The following CDH12 variants were observed in gnomAD, a reference collection of about 807,000 sequenced individuals.
The protein encoded by CDH12 is cadherin-12.
In CDH12, 41 loss-of-function variants were observed where a neutral mutation model predicts 74.1. That is an observed-to-expected ratio of 0.55 (90% CI 0.43 to 0.72). The LOEUF (loss-of-function observed/expected upper bound fraction) is 0.72. Among genes scored for constraint, CDH12 ranks in the 30% least tolerant of loss-of-function variants. The pLI, the probability that CDH12 is intolerant of heterozygous loss-of-function variation, is 0.00. For synonymous variants in CDH12, 399 were observed against 355.0 expected, an observed-to-expected ratio of 1.12 and a Z score of -1.39; for missense variants, 945 against 977.2, an observed-to-expected ratio of 0.97 and a Z score of 0.44.
At chr5:22,159,542 C>T (rs1484494983) in intron 4 of CDH12, among the ~76,000 whole-genome samples, 1 of 152,160 alleles carries the variant, frequency 6.6e-6, no homozygotes, top group Non-Finnish European at 1.5e-5. Context: ...TGGCAGCTCT[C>T]TGTTTGACTT....
At chr5:22,518,546 T>C (rs1350690097) in intron 1 of CDH12, among the ~76,000 whole-genome samples, 1 of 152,220 alleles carries the variant, frequency 6.6e-6, no homozygotes, top group Non-Finnish European at 1.5e-5. Context: ...AGAAAGATTA[T>C]TGTTTTGTTC....
chr5:22,244,210 C>T (rs976912641), intron 3 of CDH12, among the ~76,000 whole-genome samples: 2 of 152,022 alleles, frequency 1.3e-5, no homozygotes, highest in African/African-American at 4.8e-5. Context: ...CTATAGCAGG[C>T]CAGGTGCAGT....
At chr5:22,027,980 C>T (rs1738501613) in intron 5 of CDH12, among the ~76,000 whole-genome samples, 1 of 152,024 alleles carries the variant, frequency 6.6e-6, no homozygotes, top group Non-Finnish European at 1.5e-5. Context: ...CTACACACTG[C>T]TTTGAATGTG....
chr5:22,394,857 G>A, intron 3 of CDH12, among the ~76,000 whole-genome samples: 1 of 152,020 alleles, frequency 6.6e-6, no homozygotes, highest in Middle Eastern at 3.2e-3. Flanking sequence ...TGGCTTCTGG[G>A]TTAATGATAT....
intron 3 of CDH12, among the ~76,000 whole-genome samples, chr5:22,337,750 T>A (rs1470322867): frequency 6.6e-6 from 1 of 152,154 alleles, no homozygotes; most frequent in Non-Finnish European, 1.5e-5. Context: ...ACTAATACAA[T>A]GGACAAAATA....
chr5:22,238,761 T>C (rs1418757731), intron 3 of CDH12, among the ~76,000 whole-genome samples: 3 of 152,180 alleles, frequency 2.0e-5, no homozygotes, highest in Non-Finnish European at 4.4e-5. Context: ...TAGAGTACAA[T>C]AATAAGAGCC....
intron 4 of CDH12, among the ~76,000 whole-genome samples, chr5:22,193,202 C>T (rs1580383395): frequency 6.6e-6 from 1 of 152,038 alleles, no homozygotes; most frequent in African/African-American, 2.4e-5. Flanking sequence ...TTTTGAACAC[C>T]AATTTGGAGG....
At chr5:22,729,785 T>C (rs1237909258) in intron 1 of CDH12, among the ~76,000 whole-genome samples, 1 of 151,934 alleles carries the variant, frequency 6.6e-6, no homozygotes, top group African/African-American at 2.4e-5. Flanking sequence ...TGCCAGCCTA[T>C]GTGATTGGCT....
intron 2 of CDH12, among the ~76,000 whole-genome samples, chr5:22,452,581 T>A: frequency 6.6e-6 from 1 of 151,940 alleles, no homozygotes; most frequent in East Asian, 1.9e-4. Flanking sequence ...CAAAATTGAT[T>A]ACATATTTAA....
intron 3 of CDH12, among the ~76,000 whole-genome samples, chr5:22,283,228 ATATAT>A (rs1232653744): frequency 0.051 from 2,445 of 48,110 alleles, 57 homozygotes; most frequent in African/African-American, 0.13. Flanking sequence ...ATATATATAT[ATATAT>A]ATATATATAT....
chr5:22,693,622 T>C (rs1742199239), intron 1 of CDH12, among the ~76,000 whole-genome samples: 1 of 152,198 alleles, frequency 6.6e-6, no homozygotes, highest in South Asian at 2.1e-4. Context: ...GCTTGATTCA[T>C]TCAAACATTG....
At chr5:22,584,451 C>T (rs1002381241) in intron 1 of CDH12, among the ~76,000 whole-genome samples, 1 of 151,926 alleles carries the variant, frequency 6.6e-6, no homozygotes, top group African/African-American at 2.4e-5. Flanking sequence ...TTTAGTGAAA[C>T]TATAATTTAT....
At chr5:21,980,068 G>T (rs2150126477) in intron 5 of CDH12, among the ~76,000 whole-genome samples, 1 of 150,178 alleles carries the variant, frequency 6.7e-6, no homozygotes, top group African/African-American at 2.4e-5. Flanking sequence ...TGTATTTTTT[G>T]GCTGCATAAA....
At chr5:22,303,002 G>C (rs1737957648) in intron 3 of CDH12, among the ~76,000 whole-genome samples, 1 of 152,020 alleles carries the variant, frequency 6.6e-6, no homozygotes, top group Non-Finnish European at 1.5e-5. Context: ...ATACTGCTTT[G>C]GCTAATATCT....
At chr5:22,728,209 A>T (rs1744262037) in intron 1 of CDH12, among the ~76,000 whole-genome samples, 1 of 151,348 alleles carries the variant, frequency 6.6e-6, no homozygotes. Context: ...AATTTCAGCT[A>T]TTTTTTTTCC....
intron 5 of CDH12, among the ~76,000 whole-genome samples, chr5:21,987,520 C>T (rs750502926): frequency 2.6e-5 from 4 of 152,118 alleles, no homozygotes; most frequent in Non-Finnish European, 4.4e-5. Flanking sequence ...ACAAAGATAT[C>T]AACAATTGCA....
At chr5:21,781,091 A>T (rs1745880896) in intron 11 of CDH12, among the ~76,000 whole-genome samples, 1 of 152,174 alleles carries the variant, frequency 6.6e-6, no homozygotes, top group Admixed American at 6.5e-5. Context: ...GGCAGATATG[A>T]AAGAAGACGG....
chr5:21,901,245 T>C, intron 6 of CDH12, among the ~76,000 whole-genome samples: 1 of 152,158 alleles, frequency 6.6e-6, no homozygotes, highest in South Asian at 2.1e-4. Flanking sequence ...TGTTTTTGTA[T>C]GCCTAGAACT....
chr5:22,574,005 T>C (rs992465668), intron 1 of CDH12, among the ~76,000 whole-genome samples: 11 of 151,860 alleles, frequency 7.2e-5, no homozygotes, highest in African/African-American at 2.7e-4. Flanking sequence ...TCCTGTGCAA[T>C]ATTTGGCACA....
Sources: gnomAD v4.1 joint callset for allele counts (sites outside exome capture counted in the v4.1 genomes callset) on GRCh38, gnomAD v4.1.1 for gene constraint, MANE v1.5 for transcripts, NCBI Gene and HGNC (gene_info 2026-07-23, HGNC 2026-07-21) for gene names.